Variants in POU6F2 observed in about 807,000 individuals in gnomAD.
The protein encoded by POU6F2 is POU domain, class 6, transcription factor 2.
Under a neutral mutation model 71.3 loss-of-function variants are expected in POU6F2, and 31 were observed. The observed-to-expected ratio is 0.43, with a 90% CI of 0.33 to 0.59. POU6F2 has a LOEUF of 0.59. Among genes scored for constraint, POU6F2 ranks in the 20% least tolerant of loss-of-function variants. POU6F2 has a pLI of 0.04. For synonymous variants in POU6F2, 347 were observed against 355.7 expected, an observed-to-expected ratio of 0.98 and a Z score of 0.27; for missense variants, 783 against 856.8, an observed-to-expected ratio of 0.91 and a Z score of 1.07.
intron 1 of POU6F2, among the ~76,000 whole-genome samples, chr7:39,052,876 C>G (rs1033250695): frequency 2.0e-5 from 3 of 152,054 alleles, no homozygotes; most frequent in African/African-American, 7.2e-5. Context: ...TGTCCATTCT[C>G]CTAGCTCTTT....
intron 2 of POU6F2, among the ~76,000 whole-genome samples, chr7:39,130,928 C>G (rs1298095934): frequency 6.6e-6 from 1 of 152,178 alleles, no homozygotes; most frequent in East Asian, 1.9e-4. Flanking sequence ...GCGCCGGGAG[C>G]CTAGTTGCTG....
chr7:39,204,312 C>T lies in POU6F2; in HGVS notation c.355C>T (p.Pro119Ser), dbSNP rs148094915. The change falls in exon 3 of 10, where the codon CCA becomes TCA. Residue 119 changes from proline to serine, a missense_variant. Transcript: ENST00000518318. ...HQASQTHPPF[P>S]VGPQPLLTAQ... The stretch of plus-strand genomic sequence containing the variant: ...GGCCAGTCAGACCCACCCCCCATTT[C>T]CAGTTGGGCCACAGGTCAGTATCTC... 29 of 1,613,460 alleles carry T rather than the reference C, an allele frequency of 1.8e-5. No homozygotes were observed. The highest frequency in any genetic ancestry group is 1.7e-4 in the Middle Eastern group (1 of 6,060).
At chr7:39,356,165 T>C (rs1264709824) in intron 5 of POU6F2, among the ~76,000 whole-genome samples, 1 of 152,234 alleles carries the variant, frequency 6.6e-6, no homozygotes, top group African/African-American at 2.4e-5. Flanking sequence ...TTAATCTTCC[T>C]AAAAGAACAT....
At chr7:39,459,392 C>T (rs895086684) in intron 8 of POU6F2, among the ~76,000 whole-genome samples, 1 of 152,192 alleles carries the variant, frequency 6.6e-6, no homozygotes, top group Non-Finnish European at 1.5e-5. Context: ...CAGATATTAA[C>T]ATCTTTATTT....
intron 4 of POU6F2, among the ~76,000 whole-genome samples, chr7:39,263,218 CT>C (rs71981939): frequency 0.085 from 12,916 of 152,198 alleles, 742 homozygotes; most frequent in Admixed American, 0.18. Context: ...ATGTTACTTT[CT>C]TTTTTCTCTT....
At chr7:39,025,376 G>T (rs566408018) in intron 1 of POU6F2, among the ~76,000 whole-genome samples, 2 of 152,272 alleles carry the variant, frequency 1.3e-5, no homozygotes, top group East Asian at 3.9e-4. Flanking sequence ...AACCAAAACA[G>T]CATGGTACTG....
intron 1 of POU6F2, among the ~76,000 whole-genome samples, chr7:39,049,345 TA>T (rs1790359383): frequency 6.6e-6 from 1 of 152,012 alleles, no homozygotes; most frequent in Non-Finnish European, 1.5e-5. Flanking sequence ...AGCACTGTTT[TA>T]AATGCATGAT....
intron 4 of POU6F2, among the ~76,000 whole-genome samples, chr7:39,262,014 G>A (rs191866713): frequency 1.2e-4 from 18 of 152,236 alleles, no homozygotes; most frequent in African/African-American, 3.9e-4. Flanking sequence ...GAAGCAATAT[G>A]GAAGGGTGGA....
chr7:39,240,363 A>G (rs943030486), intron 4 of POU6F2, among the ~76,000 whole-genome samples: 2 of 152,268 alleles, frequency 1.3e-5, no homozygotes, highest in East Asian at 1.9e-4. Context: ...TGGTTCTTAC[A>G]TCTGCCACTA....
At chr7:39,059,448 A>C (rs1201288043) in intron 1 of POU6F2, among the ~76,000 whole-genome samples, 2 of 151,762 alleles carry the variant, frequency 1.3e-5, no homozygotes, top group Non-Finnish European at 2.9e-5. Context: ...AAACATGCTC[A>C]GTTTCCCAAA....
intron 7 of POU6F2, among the ~76,000 whole-genome samples, chr7:39,443,304 G>C (rs1476131723): frequency 6.6e-6 from 1 of 152,214 alleles, no homozygotes; most frequent in African/African-American, 2.4e-5. Flanking sequence ...GCATCCCAAA[G>C]AGCGGGCTCC....
intron 2 of POU6F2, among the ~76,000 whole-genome samples, chr7:39,105,685 G>A (rs759109000): frequency 2.0e-5 from 3 of 152,166 alleles, no homozygotes; most frequent in Non-Finnish European, 4.4e-5. Context: ...TCTAAGTATG[G>A]ACGTGGTAAA....
At chr7:39,293,088 C>T (rs1333058110) in intron 4 of POU6F2, among the ~76,000 whole-genome samples, 1 of 152,148 alleles carries the variant, frequency 6.6e-6, no homozygotes, top group Non-Finnish European at 1.5e-5. Context: ...ACACCTTTCT[C>T]GGTAAGCAGG....
chr7:39,129,528 C>T (rs964035624), intron 2 of POU6F2, among the ~76,000 whole-genome samples: 12 of 152,120 alleles, frequency 7.9e-5, no homozygotes, highest in Admixed American at 6.6e-4. Context: ...CATTCTTTGG[C>T]ATTTAACCCC....
chr7:39,265,249 G>T (rs549338771), intron 4 of POU6F2, among the ~76,000 whole-genome samples: 1 of 152,152 alleles, frequency 6.6e-6, no homozygotes, highest in Non-Finnish European at 1.5e-5. Context: ...TGGGGTGAAG[G>T]TGTTTAAACT....
chr7:39,061,317 AAGG>A (rs1790652308), intron 1 of POU6F2, among the ~76,000 whole-genome samples: 1 of 152,180 alleles, frequency 6.6e-6, no homozygotes, highest in African/African-American at 2.4e-5. Context: ...TTGGAAAAGG[AAGG>A]AGTATTTTGA....
intron 1 of POU6F2, among the ~76,000 whole-genome samples, chr7:39,024,028 C>T (rs1384930815): frequency 6.6e-6 from 1 of 152,018 alleles, no homozygotes; most frequent in Non-Finnish European, 1.5e-5. Flanking sequence ...GTCATTTTTT[C>T]CAATTCTGTG....
In POU6F2 at chr7:39,337,163, C is replaced by T. The variant is rs900282291; in HGVS notation, c.599-2479C>T. ...TTGAGAAATGCAGGATTCTTGGCTT[C>T]TTTGTCATGTTAAATTATTTATTTG... On this transcript the variant is annotated intron_variant, in intron 4 of 9. Transcript: ENST00000518318. Among the ~76,000 whole-genome samples the T allele has an allele frequency of 1.2e-4, 19 of 152,182 alleles. 1 individual carries two copies. Among genetic ancestry groups the T allele is most frequent in the Admixed American group, 1.1e-3 (17 of 15,286 alleles).
At chr7:39,050,040 A>G (rs1024137021) in intron 1 of POU6F2, among the ~76,000 whole-genome samples, 1 of 151,478 alleles carries the variant, frequency 6.6e-6, no homozygotes, top group Admixed American at 6.6e-5. Context: ...CTTGATTCCA[A>G]TTTTTTTTGT....
Sources: gnomAD v4.1 joint callset for allele counts (sites outside exome capture counted in the v4.1 genomes callset) on GRCh38, gnomAD v4.1.1 for gene constraint, MANE v1.5 for transcripts, NCBI Gene and HGNC (gene_info 2026-07-23, HGNC 2026-07-21) for gene names.